Variants in CCNB3 observed in about 807,000 individuals in gnomAD.
The protein encoded by CCNB3 is cyclin B3.
In CCNB3, 12 loss-of-function variants were observed where a neutral mutation model predicts 68.0. The observed-to-expected ratio is 0.18, with a 90% CI of 0.11 to 0.29. The LOEUF (loss-of-function observed/expected upper bound fraction) is 0.29, where lower values mean the gene tolerates loss of function less well. Ranked by LOEUF, CCNB3 falls within the 10% of genes least tolerant of loss-of-function variation. CCNB3 has a pLI of 1.00. For synonymous variants in CCNB3, 354 were observed against 388.9 expected (o/e 0.91, Z 1.06); for missense variants, 904 against 993.1 (o/e 0.91, Z 1.21).
At chrX:50,347,549 G>A in intron 10 of CCNB3, 77 bp from the exon 11 acceptor site, 2 of 1,016,329 alleles carry the variant, frequency 2.0e-6, no homozygotes, top group South Asian at 2.2e-5. Context: ...TCGGGATGAT[G>A]TAACTGGAGA....
intron 1 of CCNB3, among the ~76,000 whole-genome samples, chrX:50,209,315 T>TTAACAA (rs1397672884): frequency 9.0e-6 from 1 of 111,342 alleles, no homozygotes; most frequent in East Asian, 2.8e-4. Context: ...ATCGACCCTC[T>TTAACAA]TAACAAATTT....
intron 5 of CCNB3, among the ~76,000 whole-genome samples, chrX:50,302,126 G>A (rs959222805): frequency 7.1e-5 from 8 of 112,287 alleles, no homozygotes; most frequent in Non-Finnish European, 9.4e-5. Context: ...TGCATGGTGC[G>A]CTGCACCCAC....
At chrX:50,334,504 G>A (rs1285859407) in intron 8 of CCNB3, among the ~76,000 whole-genome samples, 1 of 112,607 alleles carries the variant, frequency 8.9e-6, no homozygotes, top group Non-Finnish European at 1.9e-5. Flanking sequence ...TGCTTCTTGT[G>A]CTAACAGGGC....
rs782729606 is a variant in CCNB3, at chrX:50,308,965, A to G, written c.796A>G (p.Met266Val). ...AGAGGATTCCTTCTTTATGGAGTCA[A>G]TGAGTTTTAAGAAGAAGCCTAAAAC... ...MEEDSFFMES[M>V]SFKKKPKTEE... Residue 266 changes from methionine to valine, a missense_variant, in exon 6 of 13, where the codon ATG becomes GTG. By Grantham distance (21) the Met-to-Val change is conservative (BLOSUM62 1). Coordinates refer to ENST00000376042, the MANE Select transcript of CCNB3 (RefSeq NM_033031.3). 9.9e-6 allele frequency: 12 copies of G among 1,209,003 alleles called. No homozygotes were observed. Among genetic ancestry groups the G allele is most frequent in the South Asian group, 8.8e-5 (5 of 56,692 alleles).
chrX:50,336,637 C>T (rs1281017601), intron 8 of CCNB3, among the ~76,000 whole-genome samples: 1 of 111,812 alleles, frequency 8.9e-6, no homozygotes, highest in African/African-American at 3.3e-5. Flanking sequence ...CTGGACTCTC[C>T]TCTTTTCCTT....
chrX:50,279,970 A>G (rs1323680508), intron 1 of CCNB3, among the ~76,000 whole-genome samples: 1 of 84,141 alleles, frequency 1.2e-5, no homozygotes, highest in Non-Finnish European at 2.1e-5. Flanking sequence ...GAGTATATAT[A>G]TAATATATGT....
At chrX:50,298,300 C>A (rs1438692844) in intron 5 of CCNB3, among the ~76,000 whole-genome samples, 1 of 111,096 alleles carries the variant, frequency 9.0e-6, no homozygotes, top group Non-Finnish European at 1.9e-5. Flanking sequence ...TTTTGAGATA[C>A]GTCCCATCAA....
intron 1 of CCNB3, among the ~76,000 whole-genome samples, chrX:50,212,845 A>T (rs1935504302): frequency 8.9e-6 from 1 of 111,832 alleles, no homozygotes; most frequent in Admixed American, 9.5e-5. Flanking sequence ...AACATGTGTG[A>T]AATGTTGTCT....
In CCNB3 at chrX:50,311,155, A is replaced by G; in HGVS notation, c.2986A>G (p.Ser996Gly). Residue 996 changes from serine (S) to glycine (G), a missense_variant, in exon 6 of 13, where the codon AGT becomes GGT. By Grantham distance (56) the Ser-to-Gly change is moderately conservative. This residue lies in a region of CCNB3 where 285 missense variants were observed against 383.4 expected (regional missense o/e 0.74). Coordinates refer to ENST00000376042, the MANE Select transcript of CCNB3 (RefSeq NM_033031.3). ...TSKSSIATMT[S>G]VGKSGTINEA... is the part of the protein sequence containing the mutation. ...CAAGTCCAGCATTGCTACCATGACC[A>G]GTGTGGGCAAATCTGGTACCATCAA... 1 of 1,207,840 alleles carries G rather than the reference A, an allele frequency of 8.3e-7. No individual in the cohort carries two copies. Among genetic ancestry groups the G allele is most frequent in the African/African-American group, 1.8e-5 (1 of 56,494 alleles).
At position 50,309,358 on chromosome X, in the gene CCNB3, C is replaced by T. The variant is rs782396014; in HGVS notation, c.1189C>T (p.Arg397Cys). 27 of 1,209,365 alleles carry T rather than the reference C, an allele frequency of 2.2e-5. No homozygotes were observed. Among genetic ancestry groups the T allele is most frequent in the Non-Finnish European group, 2.9e-5 (26 of 894,921 alleles). ...GTGCATGACTGAGGGGAAGAGGTCC[C>T]GTCTGAAGCCATTAGTATTGCAGGA... The part of the protein sequence containing the change: ...EQCMTEGKRS[R>C]LKPLVLQEIT... The change falls in exon 6 of 13, where the codon CGT becomes TGT. Residue 397 changes from arginine (R) to cysteine (C), a missense_variant. Physicochemically the swap from Arg to Cys is radical, Grantham distance 180. Around this residue, in one of 2 missense-constraint regions of CCNB3, gnomAD observed 619 missense variants for 609.8 expected, o/e 1.02. Coordinates refer to ENST00000376042, the MANE Select transcript of CCNB3 (RefSeq NM_033031.3).
chrX:50,297,907 T>A (rs1557211508), intron 5 of CCNB3, among the ~76,000 whole-genome samples: 1 of 111,471 alleles, frequency 9.0e-6, no homozygotes, highest in Non-Finnish European at 1.9e-5. Context: ...TGAATGGGAG[T>A]TCACTCATGA....
At chrX:50,304,964 C>T (rs1301414808) in intron 5 of CCNB3, among the ~76,000 whole-genome samples, 1 of 111,953 alleles carries the variant, frequency 8.9e-6, no homozygotes, top group African/African-American at 3.2e-5. Context: ...GATACCATCT[C>T]ACACCAGTTA....
chrX:50,226,920 A>G (rs1935849566), intron 1 of CCNB3, among the ~76,000 whole-genome samples: 2 of 70,448 alleles, frequency 2.8e-5, no homozygotes, highest in South Asian at 6.1e-4. Flanking sequence ...TAGTATATAT[A>G]TAGAATATAT....
chrX:50,279,552 A>AAT (rs1936053489), intron 1 of CCNB3, among the ~76,000 whole-genome samples: 47 of 85,808 alleles, frequency 5.5e-4, no homozygotes, highest in African/African-American at 2.0e-3. Flanking sequence ...CATATATATA[A>AAT]ATATATGAAT....
At chrX:50,204,062 A>G (rs141299628), upstream of CCNB3, among the ~76,000 whole-genome samples, 1,403 of 112,005 alleles carry the variant, frequency 0.013, 10 homozygotes, top group Middle Eastern at 0.046. Context: ...GATTACCTAC[A>G]TTGCAAGCCT....
intron 5 of CCNB3, among the ~76,000 whole-genome samples, chrX:50,303,293 C>T (rs782431350): frequency 2.3e-4 from 26 of 110,678 alleles, no homozygotes; most frequent in African/African-American, 8.2e-4. Context: ...TTACAGGTGC[C>T]CACAACCACC....
chrX:50,338,570 A>C (rs1557219152), intron 8 of CCNB3, among the ~76,000 whole-genome samples: 1 of 111,881 alleles, frequency 8.9e-6, no homozygotes, highest in East Asian at 2.8e-4. Flanking sequence ...ATAACCAGTT[A>C]GGTCAGGGGT....
chrX:50,321,995 A>T lies in CCNB3; in HGVS notation c.3516+8047A>T, dbSNP rs986909575. On this transcript the variant is annotated intron_variant, in intron 8 of 12. Coordinates refer to ENST00000376042, the MANE Select transcript of CCNB3 (RefSeq NM_033031.3). ...TTTTCTTGAGTATTGAGAATTTTTT[A>T]AATGTTATGAGTGTTATCCTTTTTC... is the stretch of plus-strand genomic sequence containing the variant. Among the ~76,000 whole-genome samples the T allele has an allele frequency of 1.1e-4, 12 of 110,092 alleles. No homozygotes were observed. The Middle Eastern group carries it at 0.014, about 128-fold the overall frequency.
At chrX:50,226,080 AATAT>A (rs1935758754) in intron 1 of CCNB3, among the ~76,000 whole-genome samples, 1 of 84,718 alleles carries the variant, frequency 1.2e-5, no homozygotes, top group African/African-American at 4.3e-5. Context: ...ATATATATAG[AATAT>A]ATATGAATAT....
Sources: allele counts gnomAD v4.1 joint callset (sites outside exome capture counted in the v4.1 genomes callset), GRCh38; gene constraint gnomAD v4.1.1; regional missense constraint gnomAD v4.1.1; transcripts MANE v1.5; gene names NCBI Gene and HGNC (gene_info 2026-07-23, HGNC 2026-07-21).